PLA2G4A: variants seen among roughly 807,000 people sequenced by gnomAD.
PLA2G4A encodes the protein phospholipase A2 group IVA, also known as cytosolic phospholipase A2.
Under a neutral mutation model 81.9 loss-of-function variants are expected in PLA2G4A, and 40 were observed. The ratio of observed to expected loss-of-function variants is 0.49; its 90% CI spans 0.38 to 0.64. The LOEUF (loss-of-function observed/expected upper bound fraction) is 0.64. Among genes scored for constraint, PLA2G4A ranks in the 30% least tolerant of loss-of-function variants. The pLI, the probability that PLA2G4A is intolerant of heterozygous loss-of-function variation, is 0.00. For missense variants in PLA2G4A, 715 were observed against 905.1 expected (o/e 0.79, Z 2.69); for synonymous variants, 302 against 296.9 (o/e 1.02, Z -0.18).
chr1:186,968,666 T>C (rs1409013965), intron 15 of PLA2G4A, among the ~76,000 whole-genome samples: 2 of 151,970 alleles, frequency 1.3e-5, no homozygotes, highest in African/African-American at 4.8e-5. Flanking sequence ...TTTTAGATTA[T>C]TGCTATCTTG....
intron 6 of PLA2G4A, among the ~76,000 whole-genome samples, chr1:186,908,079 C>T (rs2223310): frequency 0.93 from 141,705 of 152,102 alleles, 66,071 homozygotes; most frequent in East Asian, 1. Context: ...AGCTCTAGAA[C>T]AGAAATTGTT....
intron 2 of PLA2G4A, among the ~76,000 whole-genome samples, chr1:186,869,057 G>C (rs1018891381): frequency 2.0e-5 from 3 of 150,298 alleles, no homozygotes. Context: ...ATTTTTATTA[G>C]TTTTTGTTTA....
chr1:186,898,157 T>G (rs10911950), intron 5 of PLA2G4A, among the ~76,000 whole-genome samples: 49,618 of 151,938 alleles, frequency 0.33, 11,591 homozygotes, highest in African/African-American at 0.66. Flanking sequence ...AAATCTATCA[T>G]TTATATAGTA....
In PLA2G4A at chr1:186,921,866, C is replaced by T. The variant is rs116053375; in HGVS notation, c.558+10477C>T. The stretch of plus-strand genomic sequence containing the variant: ...CTTGACCACTGTGGGGGGTCCAAAA[C>T]TAGCTGTAGCCAATAATTTACATAT... On this transcript the variant is annotated intron_variant, in intron 7 of 17. Transcript: ENST00000367466. Among the ~76,000 whole-genome samples, 1,224 of 152,234 alleles carry T rather than the reference C, an allele frequency of 8.0e-3. 20 individuals are homozygous for T. Among genetic ancestry groups the T allele is most frequent in the African/African-American group, 0.026 (1,090 of 41,520 alleles).
In PLA2G4A at chr1:186,888,366, A is replaced by C. The variant is rs186363570; in HGVS notation, c.116-4645A>C. On this transcript the variant is annotated intron_variant, in intron 3 of 17. Transcript: ENST00000367466. ...ATGGTTTGACTCATGGTGCTTCTCA[A>C]TTTGTCCTTTCCTTTTCCCATCTGG... Among the ~76,000 whole-genome samples the C allele has an allele frequency of 1.3e-4, 20 of 152,182 alleles. No homozygotes were observed. In the East Asian group the frequency reaches 3.9e-3, roughly 29 times the overall value.
chr1:186,912,537 T>C (rs1440778803), intron 7 of PLA2G4A, among the ~76,000 whole-genome samples: 2 of 152,030 alleles, frequency 1.3e-5, no homozygotes, highest in Non-Finnish European at 2.9e-5. Context: ...GTTTGCCTAA[T>C]GTAGTATAGT....
At chr1:186,976,095 G>C (rs1657519233) in intron 15 of PLA2G4A, among the ~76,000 whole-genome samples, 1 of 152,114 alleles carries the variant, frequency 6.6e-6, no homozygotes, top group Admixed American at 6.6e-5. Flanking sequence ...ATTTATCACA[G>C]TTTTAAGCAC....
intron 7 of PLA2G4A, among the ~76,000 whole-genome samples, chr1:186,931,845 G>C (rs910039543): frequency 2.0e-5 from 3 of 152,088 alleles, no homozygotes; most frequent in African/African-American, 7.2e-5. Flanking sequence ...TTCATGCCTT[G>C]GGATCCTTGT....
At chr1:186,980,989 TA>T (rs1338073207) in intron 17 of PLA2G4A, among the ~76,000 whole-genome samples, 1 of 152,178 alleles carries the variant, frequency 6.6e-6, no homozygotes, top group African/African-American at 2.4e-5. Context: ...ACATTATCTC[TA>T]TGGTGATGGC....
At chr1:186,896,588 C>T (rs761040898) in intron 5 of PLA2G4A, among the ~76,000 whole-genome samples, 3 of 152,188 alleles carry the variant, frequency 2.0e-5, no homozygotes, top group Non-Finnish European at 2.9e-5. Context: ...CACTTTAGTT[C>T]ATGATACAAA....
At chr1:186,883,113 C>T (rs950950493) in intron 3 of PLA2G4A, among the ~76,000 whole-genome samples, 5 of 151,640 alleles carry the variant, frequency 3.3e-5, no homozygotes, top group African/African-American at 1.2e-4. Flanking sequence ...ATTTTTGAGG[C>T]ATTTGAGAGC....
chr1:186,966,809 C>T (rs1328620250), intron 15 of PLA2G4A, among the ~76,000 whole-genome samples: 1 of 152,138 alleles, frequency 6.6e-6, no homozygotes, highest in Non-Finnish European at 1.5e-5. Flanking sequence ...CAGCAATTAT[C>T]ATAGTATGTT....
intron 8 of PLA2G4A, among the ~76,000 whole-genome samples, chr1:186,934,463 T>TATATACAC (rs368585350): frequency 1.3e-3 from 180 of 143,512 alleles, no homozygotes; most frequent in Middle Eastern, 3.6e-3. Flanking sequence ...TATATATATA[T>TATATACAC]ACATACACAG....
chr1:186,878,389 A>T (rs1259031858), intron 3 of PLA2G4A, among the ~76,000 whole-genome samples: 1 of 148,256 alleles, frequency 6.7e-6, no homozygotes, highest in East Asian at 2.0e-4. Flanking sequence ...TATTTCCTTA[A>T]ATCAGTCTTC....
At chr1:186,908,399 T>C (rs535943737) in intron 6 of PLA2G4A, among the ~76,000 whole-genome samples, 1 of 152,048 alleles carries the variant, frequency 6.6e-6, no homozygotes, top group South Asian at 2.1e-4. Flanking sequence ...ACTTCCAGAA[T>C]AATAAGACCT....
At chr1:186,955,900 A>ATT (rs5779313) in intron 13 of PLA2G4A, among the ~76,000 whole-genome samples, 36,016 of 144,764 alleles carry the variant, frequency 0.25, 5,252 homozygotes, top group Admixed American at 0.39. Flanking sequence ...TGACCAGCTA[A>ATT]TTTTTTTTTT....
At chr1:186,830,957 GCTTT>G (rs71104890) in intron 1 of PLA2G4A, among the ~76,000 whole-genome samples, 12,503 of 80,740 alleles carry the variant, frequency 0.15, 575 homozygotes, top group Middle Eastern at 0.17. Context: ...TTGCTTGCTT[GCTTT>G]CTTTCTTTCT....
At chr1:186,916,358 T>C (rs1655136780) in intron 7 of PLA2G4A, among the ~76,000 whole-genome samples, 1 of 152,122 alleles carries the variant, frequency 6.6e-6, no homozygotes, top group Non-Finnish European at 1.5e-5. Context: ...ACTGGATCCT[T>C]TTCATTTTTT....
intron 15 of PLA2G4A, 52 bp downstream of exon 15, chr1:186,965,645 C>A (rs1172663158): frequency 1.6e-6 from 2 of 1,266,408 alleles, no homozygotes; most frequent in South Asian, 2.4e-5. Context: ...TCTTGCTTGC[C>A]TTATAGATCT....
Sources: allele counts gnomAD v4.1 joint callset (sites outside exome capture counted in the v4.1 genomes callset), GRCh38; gene constraint gnomAD v4.1.1; transcripts MANE v1.5; gene names NCBI Gene and HGNC (gene_info 2026-07-23, HGNC 2026-07-21).